KIN: variants seen among roughly 807,000 people sequenced by gnomAD.
The protein encoded by KIN is DNA/RNA-binding protein KIN17.
KIN carries 47 observed loss-of-function variants against 63.0 expected under a neutral mutation model. The ratio of observed to expected loss-of-function variants is 0.75; its 90% CI spans 0.59 to 0.95. The LOEUF (loss-of-function observed/expected upper bound fraction) is 0.95, where lower values mean the gene tolerates loss of function less well. Ranked by LOEUF, KIN falls within the 40% of genes least tolerant of loss-of-function variation. The pLI is 0.00. For missense variants in KIN, 408 were observed against 460.9 expected (o/e 0.89, Z 1.05); for synonymous variants, 160 against 157.7 (o/e 1.01, Z -0.11).
rs143870205 is a variant in KIN at position 7,776,440 on chromosome 10, G to T, written c.559-641C>A. On this transcript the variant is annotated intron_variant, in intron 5 of 12. Transcript: ENST00000379562. ...GCCTGTAATGCCAGCTACTCAGGAG[G>T]CTGAGCCAGGAGAATCGTCTGAATC... Among the ~76,000 whole-genome samples the T allele has an allele frequency of 0.023, 3,424 of 150,948 alleles. 190 individuals carry two copies. In the East Asian group the frequency reaches 0.23, roughly 10 times the overall value.
chr10:7,753,434 A>G lies in KIN; in HGVS notation c.*2646T>C, dbSNP rs1835274012. 2 of 152,152 alleles carry G rather than the reference A, an allele frequency of 1.3e-5. 1 individual carries two copies. Among genetic ancestry groups the G allele is most frequent in the South Asian group, 4.1e-4 (2 of 4,826 alleles). The allele number at this position is 152,152 out of a possible 1,614,324, so 9.4% of individuals were successfully genotyped here. ...TCACTATTTGTTATCAGGGAGAACCATTCTCCTTTTTGAAATTCTTCAGAC... is the reference window on the plus strand; with the variant it reads ...TCACTATTTGTTATCAGGGAGAACCGTTCTCCTTTTTGAAATTCTTCAGAC... On this transcript the variant is annotated 3_prime_UTR_variant, in exon 13 of 13. Coordinates refer to ENST00000379562, the MANE Select transcript of KIN (RefSeq NM_012311.4).
rs1185455735 is a variant in KIN at position 7,766,971 on chromosome 10, C to G, written c.799-868G>C. On this transcript the variant is annotated intron_variant, in intron 8 of 12. Coordinates refer to ENST00000379562, the MANE Select transcript of KIN (RefSeq NM_012311.4). Reference sequence around the variant, plus strand: ...CTGTGAGGCGGAGGTTGCAGTGAGCCGAGGTCACATTGCTGCACTCCAGCC... The same window carrying G: ...CTGTGAGGCGGAGGTTGCAGTGAGCGGAGGTCACATTGCTGCACTCCAGCC... Among the ~76,000 whole-genome samples the G allele has an allele frequency of 2.0e-5, 3 of 149,928 alleles. No homozygotes were observed. In the East Asian group the frequency reaches 5.9e-4, roughly 29 times the overall value.
Position 7,752,361 on chromosome 10 carries a change from A to G in KIN, c.*3719T>C, listed in dbSNP as rs1439742217. On this transcript the variant is annotated 3_prime_UTR_variant, in exon 13 of 13. Transcript: ENST00000379562. ...ACTTCATCAAAGAAATGCAAATTAA[A>G]GCAATGACAAGATCCCACTGTACAG... 2.6e-5 allele frequency: 4 copies of G among 152,270 alleles called. No individual in the cohort carries two copies. Among genetic ancestry groups the G allele is most frequent in the African/African-American group, 9.6e-5 (4 of 41,476 alleles). 9.4% of individuals were successfully genotyped at this position (152,270 alleles called of 1,614,324 possible). A position where few individuals can be genotyped will look rare whatever the true frequency, so the allele number is the denominator to read the frequency against.
Position 7,775,788 on chromosome 10 carries a change from A to G in KIN, c.570T>C (p.Thr190=). The part of the protein sequence containing the change: ...GLEGKEQEVP[T]FTELSRENDE... ...CATTTTCTCTGCTTAATTCCGTAAA[A>G]GTAGGGACCTCCTAAAAAAAAGAAA... Residue 190 remains threonine (T), a synonymous_variant, in exon 6 of 13, where the codon ACT becomes ACC. Transcript: ENST00000379562. 1.3e-6 allele frequency: 2 copies of G among 1,552,842 alleles called. No individual in the cohort carries two copies. The highest frequency in any genetic ancestry group is 8.7e-7 in the Non-Finnish European group (1 of 1,144,286).
intron 2 of KIN, among the ~76,000 whole-genome samples, chr10:7,782,254 T>A (rs546604257): frequency 9.2e-5 from 14 of 152,160 alleles, no homozygotes; most frequent in Non-Finnish European, 1.8e-4. Flanking sequence ...AGCAAAGAAA[T>A]GTTTATTAAT....
In KIN at chr10:7,758,815, T is replaced by TC. The variant is rs200325691; in HGVS notation, c.1119+1074dup. Among the ~76,000 whole-genome samples the TC allele has an allele frequency of 7.4e-4, 112 of 152,264 alleles. 1 individual carries two copies. The East Asian group carries it at 0.017, about 23-fold the overall frequency. On this transcript the variant is annotated intron_variant, in intron 12 of 12. Coordinates refer to ENST00000379562, the MANE Select transcript of KIN (RefSeq NM_012311.4). Reference sequence around the variant, plus strand: ...GTTAAAACTCAATCTGCTAATTTAGTCAGACTGACATGTTCCTCAATGCCA... The same window carrying TC: ...GTTAAAACTCAATCTGCTAATTTAGTCCAGACTGACATGTTCCTCAATGCCA...
intron 5 of KIN, among the ~76,000 whole-genome samples, chr10:7,776,520 T>C (rs1169543204): frequency 2.8e-5 from 4 of 144,768 alleles, no homozygotes; most frequent in Middle Eastern, 3.7e-3. Context: ...CCAGGCTGGG[T>C]GAAAGAGCGA....
chr10:7,760,038 T>G, intron 11 of KIN, 48 bp from the exon 12 acceptor site: 1 of 899,924 alleles, frequency 1.1e-6, no homozygotes. Context: ...ATATCTCCAC[T>G]TTTCTTCTAA....
At chr10:7,763,641 G>T in intron 10 of KIN, 82 bp downstream of exon 10, 1 of 775,190 alleles carries the variant, frequency 1.3e-6, no homozygotes, top group South Asian at 1.6e-5. Flanking sequence ...ACTAGGACTT[G>T]ATTTTCAAGA....
In KIN at chr10:7,755,966, C is replaced by G. The variant is rs1158393014; in HGVS notation, c.*114G>C. 5.2e-6 allele frequency: 3 copies of G among 575,904 alleles called. No homozygotes were observed. The Admixed American group carries it at 9.0e-5, about 17-fold the overall frequency. 35.7% of individuals were successfully genotyped at this position (575,904 alleles called of 1,614,324 possible). A position where few individuals can be genotyped will look rare whatever the true frequency, so the allele number is the denominator to read the frequency against. On this transcript the variant is annotated 3_prime_UTR_variant, in exon 13 of 13. Coordinates refer to ENST00000379562, the MANE Select transcript of KIN (RefSeq NM_012311.4). ...AACTATACAGTAATATTTTCAAAAA[C>G]CTGTTTGTTTTATACAAAAGAATAT...
chr10:7,774,687 T>TA (rs1391114137), intron 7 of KIN, 144 bp downstream of exon 7: 6 of 664,576 alleles, frequency 9.0e-6, no homozygotes, highest in Admixed American at 2.6e-5. Context: ...GAACAATTGC[T>TA]AAAAAAACAA....
chr10:7,758,455 C>T (rs1564313729), intron 12 of KIN, among the ~76,000 whole-genome samples: 1 of 152,110 alleles, frequency 6.6e-6, no homozygotes, highest in African/African-American at 2.4e-5. Flanking sequence ...CTAAGTTCTA[C>T]CTCAGTACAG....
At chr10:7,759,417 T>C (rs1835395328) in intron 12 of KIN, among the ~76,000 whole-genome samples, 1 of 152,110 alleles carries the variant, frequency 6.6e-6, no homozygotes, top group Admixed American at 6.6e-5. Flanking sequence ...AGGGGAGACA[T>C]TTTAAAAAGT....
intron 7 of KIN, among the ~76,000 whole-genome samples, chr10:7,769,608 C>T (rs1404658407): frequency 6.6e-6 from 1 of 152,082 alleles, no homozygotes; most frequent in Non-Finnish European, 1.5e-5. Context: ...TGTACCTTCT[C>T]CTCACTCCTT....
At chr10:7,766,629 C>A (rs528296284) in intron 8 of KIN, among the ~76,000 whole-genome samples, 29 of 151,858 alleles carry the variant, frequency 1.9e-4, no homozygotes, top group Admixed American at 5.2e-4. Flanking sequence ...GGCTGTATGG[C>A]GAAAATATCG....
At chr10:7,785,621 C>T (rs148425152) in intron 1 of KIN, among the ~76,000 whole-genome samples, 92 of 152,162 alleles carry the variant, frequency 6.0e-4, no homozygotes, top group African/African-American at 2.2e-3. Flanking sequence ...GGCAAAACTT[C>T]GCCTCTACCA....
chr10:7,751,001 GT>G lies in KIN; in HGVS notation c.*5078del, dbSNP rs1473840140. ...TTAGACTTTATTTCAAAATAAAGTA[GT>G]AAATTATGTTCTAACAAAAGACCAA... On this transcript the variant is annotated 3_prime_UTR_variant, in exon 13 of 13. Transcript: ENST00000379562. 3 of 152,128 alleles carry G rather than the reference GT, an allele frequency of 2.0e-5. No individual in the cohort carries two copies. Among genetic ancestry groups the G allele is most frequent in the Admixed American group, 6.6e-5 (1 of 15,264 alleles). 9.4% of individuals were successfully genotyped at this position (152,128 alleles called of 1,614,324 possible).
At chr10:7,778,611 C>T (rs1243185751) in intron 5 of KIN, among the ~76,000 whole-genome samples, 4 of 152,084 alleles carry the variant, frequency 2.6e-5, no homozygotes, top group East Asian at 1.9e-4. Context: ...TGGTGGCGGG[C>T]GCCTGTAGTT....
chr10:7,759,456 G>A (rs1835395989), intron 12 of KIN, among the ~76,000 whole-genome samples: 1 of 152,014 alleles, frequency 6.6e-6, no homozygotes. Context: ...CCTCCCTCTT[G>A]ACAATGACTT....
Sources: allele counts gnomAD v4.1 joint callset (sites outside exome capture counted in the v4.1 genomes callset), GRCh38; gene constraint gnomAD v4.1.1; transcripts MANE v1.5; gene names NCBI Gene and HGNC (gene_info 2026-07-23, HGNC 2026-07-21).